The following RASGEF1A variants were observed in gnomAD, a reference collection of about 807,000 sequenced individuals.
The protein encoded by RASGEF1A is RasGEF domain family member 1A.
In RASGEF1A, 18 loss-of-function variants were observed where a neutral mutation model predicts 56.4. The observed-to-expected ratio is 0.32, with a 90% CI of 0.22 to 0.47. The LOEUF (loss-of-function observed/expected upper bound fraction) is 0.47. RASGEF1A is among the 20% of genes least tolerant of loss of function. The pLI is 1.00. For synonymous variants in RASGEF1A, 245 were observed against 242.6 expected (o/e 1.01, Z -0.09); for missense variants, 422 against 627.1 (o/e 0.67, Z 3.49).
At chr10:43,203,000 C>T (rs1839930156) in intron 3 of RASGEF1A, among the ~76,000 whole-genome samples, 1 of 141,784 alleles carries the variant, frequency 7.1e-6, no homozygotes, top group Admixed American at 7.1e-5. Flanking sequence ...CTAGCCATGA[C>T]CCCGCCCCCT....
At chr10:43,233,697 G>A (rs1346880782) in intron 1 of RASGEF1A, among the ~76,000 whole-genome samples, 2 of 152,188 alleles carry the variant, frequency 1.3e-5, no homozygotes, top group Non-Finnish European at 1.5e-5. Flanking sequence ...CAGCCAGGCG[G>A]GAAAACAGCC....
intron 1 of RASGEF1A, among the ~76,000 whole-genome samples, chr10:43,255,997 G>A (rs1287353965): frequency 2.6e-5 from 4 of 152,198 alleles, no homozygotes; most frequent in African/African-American, 7.2e-5. Flanking sequence ...TGTGATCAGG[G>A]AGGCCCTCTC....
intron 6 of RASGEF1A, 118 bp downstream of exon 6, chr10:43,200,064 G>T: frequency 2.4e-6 from 2 of 819,514 alleles, no homozygotes; most frequent in Non-Finnish European, 4.0e-6. Flanking sequence ...GGGGCTCATG[G>T]CCCAGCACTC....
intron 1 of RASGEF1A, among the ~76,000 whole-genome samples, chr10:43,249,469 C>T (rs1232387713): frequency 6.6e-6 from 1 of 152,224 alleles, no homozygotes; most frequent in African/African-American, 2.4e-5. Flanking sequence ...TTCCGTGGCT[C>T]CAAGAAGGAA....
At chr10:43,229,847 G>A in intron 1 of RASGEF1A, 1 of 746,978 alleles carries the variant, frequency 1.3e-6, no homozygotes, top group Non-Finnish European at 1.9e-6. Context: ...GGGCGGGGCA[G>A]AGGGGCCGCG....
intron 3 of RASGEF1A, among the ~76,000 whole-genome samples, chr10:43,202,470 C>T (rs1029274663): frequency 4.6e-5 from 7 of 152,132 alleles, no homozygotes; most frequent in African/African-American, 1.7e-4. Flanking sequence ...CCGACCCTCT[C>T]GGAAGATGCC....
Position 43,265,957 on chromosome 10 carries a change from T to C in RASGEF1A, c.-7+888A>G, listed in dbSNP as rs928877982. 4.6e-5 allele frequency among the ~76,000 whole-genome samples: 7 copies of C among 151,872 alleles called. No homozygotes were observed. The South Asian group carries it at 1.5e-3, about 32-fold the overall frequency. ...CCTGCGCAGGACAGTGGGAGAAGAGTGGCAGTGGTGGGGAGGGTGAACCAG... is the reference window on the plus strand; with the variant it reads ...CCTGCGCAGGACAGTGGGAGAAGAGCGGCAGTGGTGGGGAGGGTGAACCAG... On this transcript the variant is annotated intron_variant, in intron 1 of 12. Coordinates refer to ENST00000395810, the MANE Select transcript of RASGEF1A (RefSeq NM_145313.4).
intron 1 of RASGEF1A, among the ~76,000 whole-genome samples, chr10:43,245,514 G>C (rs536143601): frequency 3.1e-4 from 47 of 152,216 alleles, no homozygotes; most frequent in African/African-American, 1.1e-3. Context: ...CATAAATGTA[G>C]ATGCAAAACT....
At chr10:43,265,809 C>A (rs1836612439) in intron 1 of RASGEF1A, among the ~76,000 whole-genome samples, 1 of 152,242 alleles carries the variant, frequency 6.6e-6, no homozygotes, top group African/African-American at 2.4e-5. Context: ...GGCAAGACTG[C>A]ATCCGGAGGG....
intron 6 of RASGEF1A, 79 bp from the exon 7 acceptor site, chr10:43,199,847 C>A: frequency 8.5e-7 from 1 of 1,178,222 alleles, no homozygotes; most frequent in Non-Finnish European, 1.2e-6. Context: ...GGCCCTGGTC[C>A]CCAGCTATGG....
chr10:43,221,388 G>A (rs1018405117), intron 1 of RASGEF1A, among the ~76,000 whole-genome samples: 4 of 152,166 alleles, frequency 2.6e-5, no homozygotes, highest in African/African-American at 4.8e-5. Context: ...AGACACAGCC[G>A]TCTCCATGCC....
chr10:43,260,842 T>C (rs1588954392), intron 1 of RASGEF1A, among the ~76,000 whole-genome samples: 2 of 152,268 alleles, frequency 1.3e-5, no homozygotes, highest in Non-Finnish European at 2.9e-5. Context: ...ATTGTTTCTT[T>C]GACCCATCAT....
chr10:43,240,941 T>C (rs1233485846), intron 1 of RASGEF1A, among the ~76,000 whole-genome samples: 2 of 152,170 alleles, frequency 1.3e-5, no homozygotes, highest in Non-Finnish European at 2.9e-5. Flanking sequence ...TTCAAAATAC[T>C]GAAAGAAAAG....
chr10:43,196,379 G>T lies in RASGEF1A; in HGVS notation c.1421+97C>A. The T allele has an allele frequency of 6.5e-7, 1 of 1,549,022 alleles. No homozygotes were observed. On this transcript the variant is annotated intron_variant, in intron 12 of 12. Transcript: ENST00000395810. The surrounding 1 kb of genome is among the most constrained non-coding windows in gnomAD (Gnocchi z 4.6). ...CCAGGGACCCTGGACCAGGGACGCG[G>T]CAGTGCCCAGGCTCCCTTTCCAGGA... is the stretch of plus-strand genomic sequence containing the variant.
chr10:43,245,012 A>G (rs1336781586), intron 1 of RASGEF1A, among the ~76,000 whole-genome samples: 2 of 152,042 alleles, frequency 1.3e-5, no homozygotes. Context: ...AAGTTAATGA[A>G]AAACCAAAAA....
intron 10 of RASGEF1A, 149 bp from the exon 11 acceptor site, chr10:43,197,248 T>A: frequency 1.1e-6 from 1 of 895,844 alleles, no homozygotes; most frequent in Non-Finnish European, 1.7e-6. Context: ...GCTGACCCCG[T>A]GGCCATGGTG....
chr10:43,241,718 A>T (rs2133218323), intron 1 of RASGEF1A, among the ~76,000 whole-genome samples: 1 of 152,344 alleles, frequency 6.6e-6, no homozygotes, highest in South Asian at 2.1e-4. Context: ...ATTTACATTA[A>T]ATGTAAATGA....
At chr10:43,225,026 CTGTA>C (rs1298024421) in intron 1 of RASGEF1A, among the ~76,000 whole-genome samples, 2 of 151,682 alleles carry the variant, frequency 1.3e-5, no homozygotes, top group African/African-American at 4.9e-5. Flanking sequence ...CTGTGTGTCT[CTGTA>C]TGTGTCTGTG....
chr10:43,200,385 TC>T (rs771853001), intron 5 of RASGEF1A, 129 bp from the exon 6 acceptor site: 98 of 789,540 alleles, frequency 1.2e-4, no homozygotes, highest in Admixed American at 2.6e-4. Context: ...CCCAGGCCAG[TC>T]CTCCATCCTA....
Sources: gnomAD v4.1 joint callset for allele counts (sites outside exome capture counted in the v4.1 genomes callset) on GRCh38, gnomAD v4.1.1 for gene constraint, Gnocchi (gnomAD v3.1) non-coding constraint, MANE v1.5 for transcripts, NCBI Gene and HGNC (gene_info 2026-07-23, HGNC 2026-07-21) for gene names.